Variants in SLCO3A1 observed in about 807,000 individuals in gnomAD.
The protein encoded by SLCO3A1 is PGE1 transporter.
SLCO3A1 carries 27 observed loss-of-function variants against 63.1 expected under a neutral mutation model. The ratio of observed to expected loss-of-function variants is 0.43; its 90% confidence interval spans 0.32 to 0.59. The LOEUF is 0.59. Ranked by LOEUF, SLCO3A1 falls within the 20% of genes least tolerant of loss-of-function variation. SLCO3A1 has a pLI of 0.09. For missense variants in SLCO3A1, 773 were observed against 945.8 expected (o/e 0.82, Z 2.40); for synonymous variants, 473 against 409.9 (o/e 1.15, Z -1.86).
At chr15:91,979,485 A>G (rs1198446720) in intron 2 of SLCO3A1, among the ~76,000 whole-genome samples, 2 of 152,208 alleles carry the variant, frequency 1.3e-5, no homozygotes, top group African/African-American at 2.4e-5. Flanking sequence ...AACCTGTATA[A>G]ATAACCTTAG....
At chr15:91,938,968 C>A (rs1899517062) in intron 2 of SLCO3A1, among the ~76,000 whole-genome samples, 1 of 152,196 alleles carries the variant, frequency 6.6e-6, no homozygotes, top group Non-Finnish European at 1.5e-5. Flanking sequence ...TTGTGCCCCC[C>A]TCTGGGCTCA....
At chr15:91,971,014 A>G (rs145883219) in intron 2 of SLCO3A1, among the ~76,000 whole-genome samples, 28 of 152,238 alleles carry the variant, frequency 1.8e-4, no homozygotes, top group African/African-American at 4.8e-4. Flanking sequence ...GTAGCCCCCA[A>G]ATCAATACTC....
At chr15:91,976,011 A>G (rs1328366766) in intron 2 of SLCO3A1, among the ~76,000 whole-genome samples, 1 of 152,206 alleles carries the variant, frequency 6.6e-6, no homozygotes. Context: ...AGAGAGAGGC[A>G]GTGTGTGTAG....
rs1339510660 is a variant in SLCO3A1 at position 92,163,870 on chromosome 15, G to A, written c.*735G>A. 7 of 985,614 alleles carry A rather than the reference G, an allele frequency of 7.1e-6. No homozygotes were observed. The highest frequency in any genetic ancestry group is 9.4e-5 in the South Asian group (2 of 21,304). The allele number at this position is 985,614 out of a possible 1,614,324, so 61.1% of individuals were successfully genotyped here. On this transcript the variant is annotated 3_prime_UTR_variant, in exon 10 of 10. Transcript: ENST00000318445. ...GGCCTGAGGGGGAGCCAGGTGGGGG[G>A]CCAGCACCTCCCAGTGGCGGGCATC...
chr15:92,122,252 G>A (rs2047871394), intron 5 of SLCO3A1, among the ~76,000 whole-genome samples: 1 of 152,188 alleles, frequency 6.6e-6, no homozygotes, highest in African/African-American at 2.4e-5. Flanking sequence ...CTGAGAATGT[G>A]GTGATACAGC....
chr15:92,003,106 T>C (rs1272055341), intron 2 of SLCO3A1, among the ~76,000 whole-genome samples: 2 of 152,218 alleles, frequency 1.3e-5, no homozygotes, highest in Non-Finnish European at 2.9e-5. Context: ...GAAATTCATC[T>C]TATGTATCTT....
chr15:92,141,553 C>G (rs2048132227), intron 7 of SLCO3A1, among the ~76,000 whole-genome samples: 1 of 152,170 alleles, frequency 6.6e-6, no homozygotes, highest in African/African-American at 2.4e-5. Flanking sequence ...CTTTTTATAG[C>G]TCAAAGCATT....
intron 2 of SLCO3A1, among the ~76,000 whole-genome samples, chr15:92,048,295 C>T (rs772090263): frequency 1.3e-5 from 2 of 152,118 alleles, no homozygotes; most frequent in South Asian, 4.1e-4. Flanking sequence ...GTACCCCCAT[C>T]GGACTCTGAA....
intron 5 of SLCO3A1, among the ~76,000 whole-genome samples, chr15:92,125,499 A>T (rs1310831272): frequency 6.6e-6 from 1 of 152,150 alleles, no homozygotes; most frequent in Admixed American, 6.5e-5. Context: ...GATTGATGCC[A>T]CTTCCTGAGG....
At chr15:91,931,397 A>G (rs1555450699) in intron 2 of SLCO3A1, among the ~76,000 whole-genome samples, 1 of 151,974 alleles carries the variant, frequency 6.6e-6, no homozygotes, top group Non-Finnish European at 1.5e-5. Context: ...GGCCAGTGGC[A>G]TCCTCTGCTG....
intron 3 of SLCO3A1, among the ~76,000 whole-genome samples, chr15:92,099,953 C>T (rs1265386138): frequency 6.6e-6 from 1 of 151,904 alleles, no homozygotes; most frequent in Non-Finnish European, 1.5e-5. Context: ...GTAATCTCAG[C>T]TACTTGGGAG....
At chr15:92,125,591 G>A (rs769360692) in intron 5 of SLCO3A1, among the ~76,000 whole-genome samples, 7 of 152,076 alleles carry the variant, frequency 4.6e-5, no homozygotes, top group South Asian at 2.1e-4. Context: ...CGTACTTTCC[G>A]TGAAACCCTC....
chr15:92,139,763 C>T (rs11629591), intron 7 of SLCO3A1, among the ~76,000 whole-genome samples: 72,628 of 150,708 alleles, frequency 0.48, 18,825 homozygotes, highest in African/African-American at 0.68. Context: ...TTTATTTGCA[C>T]AGAGGTGTTT....
intron 2 of SLCO3A1, among the ~76,000 whole-genome samples, chr15:92,029,491 G>A (rs111602019): frequency 0.035 from 5,396 of 152,250 alleles, 134 homozygotes; most frequent in Admixed American, 0.094. Context: ...GTCAGTGCCT[G>A]GGCAAAGACT....
At chr15:92,067,095 C>T (rs955195966) in intron 2 of SLCO3A1, among the ~76,000 whole-genome samples, 1 of 152,162 alleles carries the variant, frequency 6.6e-6, no homozygotes, top group Non-Finnish European at 1.5e-5. Context: ...TGTTGAGGAC[C>T]AGTCTCACTG....
intron 7 of SLCO3A1, among the ~76,000 whole-genome samples, chr15:92,134,373 C>T (rs1596131580): frequency 6.6e-6 from 1 of 152,074 alleles, no homozygotes; most frequent in Non-Finnish European, 1.5e-5. Context: ...TATCTCAGGC[C>T]CTCTGCTAGG....
intron 10 of SLCO3A1, chr15:92,171,236 C>A (rs2151609824): frequency 6.5e-6 from 1 of 152,754 alleles, no homozygotes; most frequent in African/African-American, 2.4e-5. Flanking sequence ...AGCATCTATT[C>A]TGGAAATGTG....
chr15:91,978,203 T>C (rs1354924717), intron 2 of SLCO3A1, among the ~76,000 whole-genome samples: 1 of 152,156 alleles, frequency 6.6e-6, no homozygotes, highest in East Asian at 1.9e-4. Context: ...TTACTGGAGG[T>C]CTTTTCCCCC....
chr15:92,143,115 A>G (rs28480636), intron 7 of SLCO3A1, among the ~76,000 whole-genome samples: 1 of 149,974 alleles, frequency 6.7e-6, no homozygotes, highest in Non-Finnish European at 1.5e-5. Flanking sequence ...GAATTGAGGG[A>G]TTCCTGGGGT....
Sources: gnomAD v4.1 joint callset for allele counts (sites outside exome capture counted in the v4.1 genomes callset) on GRCh38, gnomAD v4.1.1 for gene constraint, MANE v1.5 for transcripts, NCBI Gene and HGNC (gene_info 2026-07-23, HGNC 2026-07-21) for gene names.